The following KCNH7 variants were observed in gnomAD, a reference collection of about 807,000 sequenced individuals.
The protein encoded by KCNH7 is potassium voltage-gated channel subfamily H member 7.
KCNH7 carries 49 observed loss-of-function variants against 120.8 expected under a neutral mutation model. The observed-to-expected ratio is 0.41, with a 90% confidence interval of 0.32 to 0.51. KCNH7 has a LOEUF of 0.51. Ranked by LOEUF, KCNH7 falls within the 20% of genes least tolerant of loss-of-function variation. The pLI, the probability that KCNH7 is intolerant of heterozygous loss-of-function variation, is 0.38. For synonymous variants in KCNH7, 547 were observed against 516.1 expected, an observed-to-expected ratio of 1.06 and a Z score of -0.81; for missense variants, 1,097 against 1,446.6, an observed-to-expected ratio of 0.76 and a Z score of 3.92.
At chr2:162,790,459 A>C (rs1683889958) in intron 2 of KCNH7, among the ~76,000 whole-genome samples, 1 of 152,070 alleles carries the variant, frequency 6.6e-6, no homozygotes, top group East Asian at 1.9e-4. Context: ...AAAATTAAAG[A>C]GAAAACACTT....
intron 2 of KCNH7, among the ~76,000 whole-genome samples, chr2:162,740,581 T>A (rs549920972): frequency 2.0e-5 from 3 of 152,150 alleles, no homozygotes; most frequent in Non-Finnish European, 4.4e-5. Context: ...TTTATTACAG[T>A]CATACCGTGC....
chr2:162,457,249 C>T (rs1688994762), intron 6 of KCNH7, among the ~76,000 whole-genome samples: 1 of 151,962 alleles, frequency 6.6e-6, no homozygotes, highest in East Asian at 1.9e-4. Context: ...CCAACTTCTC[C>T]CACACATTTG....
chr2:162,558,306 C>G (rs1042738380), intron 2 of KCNH7, among the ~76,000 whole-genome samples: 13 of 151,974 alleles, frequency 8.6e-5, no homozygotes, highest in South Asian at 4.1e-4. Flanking sequence ...TCCTGAGTAG[C>G]TGGGACTACA....
At chr2:162,510,873 G>C (rs956970258) in intron 5 of KCNH7, among the ~76,000 whole-genome samples, 2 of 151,670 alleles carry the variant, frequency 1.3e-5, no homozygotes, top group Non-Finnish European at 3.0e-5. Flanking sequence ...ACCAGAGCTT[G>C]AAAAACGTAA....
chr2:162,742,189 G>C (rs1237409977), intron 2 of KCNH7, among the ~76,000 whole-genome samples: 1 of 152,178 alleles, frequency 6.6e-6, no homozygotes. Context: ...GGTATGGATA[G>C]TTAAGATCCA....
rs1167229039 is a variant in KCNH7 at position 162,411,726 on chromosome 2, CTAT to C, written c.2155-11288_2155-11286del. 8.6e-5 allele frequency among the ~76,000 whole-genome samples: 13 copies of C among 151,560 alleles called. No individual in the cohort carries two copies. In the East Asian group the frequency reaches 1.7e-3, roughly 20 times the overall value. Reference sequence around the variant, plus strand: ...CTTAACACTTCTTTAATTAAATCAACTATTAAGATATTTATTAAAATAATAATT... The same window carrying C: ...CTTAACACTTCTTTAATTAAATCAACTAAGATATTTATTAAAATAATAATT... On this transcript the variant is annotated intron_variant, in intron 9 of 15. Coordinates refer to ENST00000332142, the MANE Select transcript of KCNH7 (RefSeq NM_033272.4).
intron 7 of KCNH7, among the ~76,000 whole-genome samples, chr2:162,438,471 T>C (rs1688323930): frequency 1.3e-5 from 2 of 152,192 alleles, no homozygotes; most frequent in South Asian, 4.1e-4. Flanking sequence ...ATATGGGACA[T>C]GTTGAAGTCT....
intron 6 of KCNH7, among the ~76,000 whole-genome samples, chr2:162,459,367 A>G (rs1689076355): frequency 6.6e-6 from 1 of 152,188 alleles, no homozygotes; most frequent in South Asian, 2.1e-4. Flanking sequence ...ATTATGATAG[A>G]GACAGCTGTT....
chr2:162,679,774 A>G (rs991787093), intron 2 of KCNH7, among the ~76,000 whole-genome samples: 6 of 151,814 alleles, frequency 4.0e-5, no homozygotes, highest in Admixed American at 1.3e-4. Context: ...TAATTAATGT[A>G]TTATGCTTAA....
intron 6 of KCNH7, among the ~76,000 whole-genome samples, chr2:162,468,428 A>G (rs970797918): frequency 6.6e-6 from 1 of 152,030 alleles, no homozygotes; most frequent in Non-Finnish European, 1.5e-5. Flanking sequence ...CAAATTATGC[A>G]AGGTTATCAA....
intron 8 of KCNH7, among the ~76,000 whole-genome samples, chr2:162,430,068 G>A (rs1032968100): frequency 2.8e-4 from 43 of 151,606 alleles, no homozygotes; most frequent in African/African-American, 9.7e-4. Flanking sequence ...AAAGTTAGAT[G>A]TTCTTGCAGG....
Position 162,593,728 on chromosome 2 carries a change from T to C in KCNH7, c.308-56648A>G, listed in dbSNP as rs575986971. Among the ~76,000 whole-genome samples the C allele has an allele frequency of 2.6e-5, 4 of 152,164 alleles. No individual in the cohort carries two copies. The South Asian group carries it at 8.3e-4, about 32-fold the overall frequency. On this transcript the variant is annotated intron_variant, in intron 2 of 15. Coordinates refer to ENST00000332142, the MANE Select transcript of KCNH7 (RefSeq NM_033272.4). ...TGAACCTATTTGACATTTTGTATTT[T>C]GCAAAACTCATTTCTAAATGAAAAT...
chr2:162,478,670 A>G (rs143745677), intron 6 of KCNH7, among the ~76,000 whole-genome samples: 4 of 152,304 alleles, frequency 2.6e-5, no homozygotes, highest in South Asian at 4.1e-4. Flanking sequence ...AAAGTTAGGA[A>G]GTCCAAATCA....
At chr2:162,552,791 C>T (rs1290925126) in intron 2 of KCNH7, among the ~76,000 whole-genome samples, 1 of 152,152 alleles carries the variant, frequency 6.6e-6, no homozygotes, top group African/African-American at 2.4e-5. Context: ...GATGAATAAA[C>T]AGCCAGGAGG....
intron 9 of KCNH7, among the ~76,000 whole-genome samples, chr2:162,417,755 G>A (rs1358992394): frequency 6.6e-6 from 1 of 152,122 alleles, no homozygotes; most frequent in Non-Finnish European, 1.5e-5. Flanking sequence ...CCTTGATGAT[G>A]GTTGGAGACC....
intron 3 of KCNH7, among the ~76,000 whole-genome samples, chr2:162,531,138 A>C (rs1463779393): frequency 3.3e-5 from 5 of 152,002 alleles, no homozygotes; most frequent in Non-Finnish European, 7.4e-5. Flanking sequence ...TGTTCATAAA[A>C]TAAGAAGCAG....
chr2:162,373,224 A>T (rs1355482832), intron 15 of KCNH7, among the ~76,000 whole-genome samples: 7 of 152,226 alleles, frequency 4.6e-5, no homozygotes. Context: ...CCTTTTAAAA[A>T]AAATGCTAAT....
At chr2:162,734,415 T>C (rs1228914658) in intron 2 of KCNH7, among the ~76,000 whole-genome samples, 1 of 152,176 alleles carries the variant, frequency 6.6e-6, no homozygotes, top group South Asian at 2.1e-4. Flanking sequence ...TGATCATAGA[T>C]GTTAATTTTA....
chr2:162,415,443 G>A (rs541441266), intron 9 of KCNH7, among the ~76,000 whole-genome samples: 1 of 152,214 alleles, frequency 6.6e-6, no homozygotes, highest in African/African-American at 2.4e-5. Context: ...TGGTTGCAAG[G>A]TGATGTTATA....
Sources: allele counts gnomAD v4.1 joint callset (sites outside exome capture counted in the v4.1 genomes callset), GRCh38; gene constraint gnomAD v4.1.1; transcripts MANE v1.5; gene names NCBI Gene and HGNC (gene_info 2026-07-23, HGNC 2026-07-21).